The following TRPM8 variants were observed in gnomAD, a reference collection of about 807,000 sequenced individuals.
TRPM8 encodes transient receptor potential cation channel subfamily M member 8.
TRPM8 carries 110 observed loss-of-function variants against 133.7 expected under a neutral mutation model. The observed-to-expected ratio is 0.82, with a 90% CI of 0.70 to 0.96. The LOEUF is 0.96. Among genes scored for constraint, TRPM8 ranks in the 40% least tolerant of loss-of-function variants. The probability of loss-of-function intolerance (pLI) is 0.00; values close to 1 mark genes in which losing one functional copy is unlikely to be tolerated. For missense variants in TRPM8, 1,291 were observed against 1,379.5 expected (o/e 0.94, Z 1.02); for synonymous variants, 535 against 532.3 (o/e 1.01, Z -0.07).
chr2:233,947,295 G>C lies in TRPM8; in HGVS notation c.942+140G>C, dbSNP rs972706056. 6.5e-6 allele frequency: 10 copies of C among 1,548,726 alleles called. No individual in the cohort carries two copies. In the African/African-American group the frequency reaches 6.8e-5, roughly 11 times the overall value. ...AGGTAGTGTTTTCCCTCCACATACT[G>C]TTCCCCTAACAGACTCCGGTTATTC... On this transcript the variant is annotated intron_variant, in intron 8 of 25. Coordinates refer to ENST00000324695, the MANE Select transcript of TRPM8 (RefSeq NM_024080.5).
chr2:233,966,237 A>G (rs1691569691), intron 14 of TRPM8: 1 of 126,154 alleles, frequency 7.9e-6, no homozygotes. Flanking sequence ...TGCTCTGATT[A>G]CGGGGGGGTC....
At chr2:233,969,289 C>A (rs953563865) in intron 15 of TRPM8, among the ~76,000 whole-genome samples, 2 of 151,190 alleles carry the variant, frequency 1.3e-5, no homozygotes, top group Non-Finnish European at 2.9e-5. Flanking sequence ...ACCAGCCTGA[C>A]CAACATGGAG....
At chr2:234,006,495 C>T (rs1692696436) in intron 22 of TRPM8, among the ~76,000 whole-genome samples, 3 of 152,302 alleles carry the variant, frequency 2.0e-5, no homozygotes, top group South Asian at 2.1e-4. Context: ...AATTGTTTAG[C>T]ATTTTTATGT....
chr2:233,942,155 C>A (rs1408170210), intron 5 of TRPM8, among the ~76,000 whole-genome samples: 2 of 147,078 alleles, frequency 1.4e-5, no homozygotes, highest in East Asian at 4.2e-4. Context: ...TCTCGGCTCA[C>A]TGCAACCTCT....
chr2:233,927,803 C>T (rs140139753), intron 2 of TRPM8, among the ~76,000 whole-genome samples: 11 of 44,500 alleles, frequency 2.5e-4, no homozygotes, highest in East Asian at 8.4e-4. Context: ...TTCTTTCCTT[C>T]CTTCCTTCCT....
intron 3 of TRPM8, among the ~76,000 whole-genome samples, chr2:233,934,118 TA>T (rs951460457): frequency 3.5e-4 from 53 of 152,330 alleles, no homozygotes; most frequent in African/African-American, 1.3e-3. Flanking sequence ...TACCTAAACT[TA>T]AAGAGGGGAT....
chr2:233,994,867 T>C (rs1467249858), intron 21 of TRPM8, among the ~76,000 whole-genome samples: 2 of 152,218 alleles, frequency 1.3e-5, no homozygotes, highest in Non-Finnish European at 2.9e-5. Flanking sequence ...TTGCACCTCT[T>C]TGGCTCTTGA....
At chr2:233,935,568 C>G (rs1303937128) in intron 3 of TRPM8, among the ~76,000 whole-genome samples, 1 of 152,200 alleles carries the variant, frequency 6.6e-6, no homozygotes, top group Admixed American at 6.5e-5. Context: ...AACATTGAGT[C>G]ACCCACTGAT....
chr2:233,960,870 A>G lies in TRPM8; in HGVS notation c.1457A>G (p.Lys486Arg). 3 of 1,614,214 alleles carry G rather than the reference A, an allele frequency of 1.9e-6. No homozygotes were observed. The highest frequency in any genetic ancestry group is 1.7e-6 in the Non-Finnish European group (2 of 1,180,044). ...LFLENGLNLRKFLTHDVLTEL... is the reference protein window; with the variant it reads ...LFLENGLNLRRFLTHDVLTEL... ...CTGGAGAATGGCTTGAACCTACGGA[A>G]GTTTCTCACCCATGATGTCCTCACT... Residue 486 changes from lysine (K) to arginine (R), a missense_variant, in exon 12 of 26, where the codon AAG (lysine) becomes AGG (arginine). Lys to Arg is a conservative substitution (Grantham distance 26). Transcript: ENST00000324695.
chr2:234,010,102 A>G (rs907178563), intron 24 of TRPM8, among the ~76,000 whole-genome samples: 3 of 152,158 alleles, frequency 2.0e-5, no homozygotes, highest in Non-Finnish European at 4.4e-5. Context: ...TGCATAACAG[A>G]AACTTTCTGC....
Position 233,964,614 on chromosome 2 carries a change from AC to A in TRPM8, c.1750-8del, listed in dbSNP as rs764292285. The A allele has an allele frequency of 6.8e-7, 1 of 1,479,222 alleles. No individual in the cohort carries two copies. The highest frequency in any genetic ancestry group is 2.3e-5 in the East Asian group (1 of 42,572). The allele number at this position is 1,479,222 out of a possible 1,614,324, so 91.6% of individuals were successfully genotyped here. A position where few individuals can be genotyped will look rare whatever the true frequency, so the allele number is the denominator to read the frequency against. On this transcript the variant is annotated splice_polypyrimidine_tract_variant and intron_variant, in intron 13 of 25. Coordinates refer to ENST00000324695, the MANE Select transcript of TRPM8 (RefSeq NM_024080.5). ...AAAAGAATTAACCTTAAAATTCTTC[AC>A]CCCCCTAAAAAGACCAGGGGCTGCA...
Position 233,955,265 on chromosome 2 carries a change from C to G in TRPM8, c.1362+15C>G. 6.3e-7 allele frequency: 1 copy of G among 1,599,288 alleles called. No homozygotes were observed. Among genetic ancestry groups the G allele is most frequent in the Non-Finnish European group, 8.6e-7 (1 of 1,166,744 alleles). On this transcript the variant is annotated intron_variant, in intron 11 of 25. Transcript: ENST00000324695. ...GCCGATGGGAGGTAAGCACGAAGCT[C>G]TCCTGGGTTATTCCAGTGTTGGGTC...
intron 3 of TRPM8, among the ~76,000 whole-genome samples, chr2:233,935,353 T>G (rs1691769928): frequency 6.6e-6 from 1 of 152,124 alleles, no homozygotes; most frequent in Non-Finnish European, 1.5e-5. Flanking sequence ...CTGGGGTGAG[T>G]GGGGCTGAAT....
intron 15 of TRPM8, among the ~76,000 whole-genome samples, chr2:233,967,628 A>C (rs1392938342): frequency 2.0e-5 from 3 of 152,326 alleles, no homozygotes; most frequent in East Asian, 3.9e-4. Flanking sequence ...TTTCCATGAT[A>C]TCATACAGCC....
intron 22 of TRPM8, among the ~76,000 whole-genome samples, chr2:233,996,761 C>T (rs552555771): frequency 4.6e-5 from 7 of 152,254 alleles, no homozygotes; most frequent in South Asian, 2.1e-4. Context: ...TTGGACAGAT[C>T]GTGTAATAAT....
intron 13 of TRPM8, among the ~76,000 whole-genome samples, chr2:233,964,377 C>T: frequency 6.6e-6 from 1 of 151,660 alleles, no homozygotes; most frequent in Admixed American, 6.6e-5. Context: ...CATGGCGAAA[C>T]CCCGTCTCTA....
chr2:233,918,488 C>T (rs1691346586), intron 1 of TRPM8, among the ~76,000 whole-genome samples: 1 of 152,088 alleles, frequency 6.6e-6, no homozygotes, highest in South Asian at 2.1e-4. Flanking sequence ...CCTGCTTTTC[C>T]TCTTATTCTA....
chr2:233,964,258 G>C (rs1691506372), intron 13 of TRPM8, among the ~76,000 whole-genome samples: 1 of 152,048 alleles, frequency 6.6e-6, no homozygotes, highest in Non-Finnish European at 1.5e-5. Context: ...AAGGGATTAA[G>C]ACTTAACCTT....
Position 233,947,312 on chromosome 2 carries a change from C to T in TRPM8, c.942+157C>T, listed in dbSNP as rs781719654. 66 of 1,545,338 alleles carry T rather than the reference C, an allele frequency of 4.3e-5. No homozygotes were observed. In the African/African-American group the frequency reaches 7.0e-4, roughly 16 times the overall value. ...CACATACTGTTCCCCTAACAGACTCCGGTTATTCCTCAGTCAAGAAGATTT... is the reference window on the plus strand; with the variant it reads ...CACATACTGTTCCCCTAACAGACTCTGGTTATTCCTCAGTCAAGAAGATTT... On this transcript the variant is annotated intron_variant, in intron 8 of 25. Transcript: ENST00000324695.
Sources: gnomAD v4.1 joint callset for allele counts (sites outside exome capture counted in the v4.1 genomes callset) on GRCh38, gnomAD v4.1.1 for gene constraint, MANE v1.5 for transcripts, NCBI Gene and HGNC (gene_info 2026-07-23, HGNC 2026-07-21) for gene names.